KPNA5: variants seen among roughly 807,000 people sequenced by gnomAD.
KPNA5 encodes importin subunit alpha-6.
KPNA5 carries 46 observed loss-of-function variants against 71.3 expected under a neutral mutation model. That is an observed-to-expected ratio of 0.65 (90% CI 0.51 to 0.83). KPNA5 has a LOEUF of 0.83. Among genes scored for constraint, KPNA5 ranks in the 40% least tolerant of loss-of-function variants. KPNA5 has a pLI of 0.00. For missense variants in KPNA5, 547 were observed against 628.3 expected, an observed-to-expected ratio of 0.87 and a Z score of 1.38; for synonymous variants, 207 against 201.4, an observed-to-expected ratio of 1.03 and a Z score of -0.24.
intron 1 of KPNA5, among the ~76,000 whole-genome samples, chr6:116,683,122 C>T (rs1235582126): frequency 6.6e-6 from 1 of 152,198 alleles, no homozygotes; most frequent in Non-Finnish European, 1.5e-5. Context: ...CAAGGTGATC[C>T]AGTCAGATGT....
At chr6:116,689,486 T>A (rs1314269563) in intron 2 of KPNA5, 33 bp downstream of exon 2, 6 of 1,490,736 alleles carry the variant, frequency 4.0e-6, no homozygotes, top group East Asian at 2.3e-5. Context: ...TTTTGTTTTT[T>A]AAAATTTTAA....
intron 7 of KPNA5, among the ~76,000 whole-genome samples, chr6:116,714,584 T>A (rs1378262159): frequency 6.6e-6 from 1 of 152,192 alleles, no homozygotes; most frequent in Admixed American, 6.5e-5. Flanking sequence ...GACTGTCTGA[T>A]ACATGTGGGA....
chr6:116,730,825 A>T (rs1372412790), intron 13 of KPNA5, among the ~76,000 whole-genome samples: 1 of 151,280 alleles, frequency 6.6e-6, no homozygotes, highest in Non-Finnish European at 1.5e-5. Context: ...TCCAAATTGC[A>T]TATTTATTGT....
intron 7 of KPNA5, among the ~76,000 whole-genome samples, chr6:116,706,466 G>A (rs1283826528): frequency 6.6e-6 from 1 of 152,190 alleles, no homozygotes; most frequent in Non-Finnish European, 1.5e-5. Context: ...AAGGCGGGTG[G>A]ATCCCCTGAG....
chr6:116,713,436 G>A (rs1482400359), intron 7 of KPNA5, among the ~76,000 whole-genome samples: 1 of 152,082 alleles, frequency 6.6e-6, no homozygotes, highest in Admixed American at 6.6e-5. Context: ...TGATCTTTAT[G>A]AGGAATCTTT....
At chr6:116,684,804 A>G (rs1777505024) in intron 1 of KPNA5, among the ~76,000 whole-genome samples, 1 of 152,184 alleles carries the variant, frequency 6.6e-6, no homozygotes, top group African/African-American at 2.4e-5. Flanking sequence ...CACATTTACC[A>G]TGTTTAAAAC....
chr6:116,696,013 T>C (rs1778013436), intron 4 of KPNA5, among the ~76,000 whole-genome samples: 1 of 152,178 alleles, frequency 6.6e-6, no homozygotes, highest in East Asian at 1.9e-4. Flanking sequence ...GAAAATTGCA[T>C]TGGTACAATT....
chr6:116,700,191 G>T (rs1778176053), intron 5 of KPNA5, among the ~76,000 whole-genome samples: 1 of 152,126 alleles, frequency 6.6e-6, no homozygotes, highest in Non-Finnish European at 1.5e-5. Flanking sequence ...GGGAAGATTT[G>T]CTGGGCGTGG....
intron 4 of KPNA5, among the ~76,000 whole-genome samples, chr6:116,695,004 G>A (rs1302376526): frequency 6.6e-6 from 1 of 151,966 alleles, no homozygotes; most frequent in African/African-American, 2.4e-5. Context: ...AGACTGGAGT[G>A]CAATAGCAGA....
intron 7 of KPNA5, among the ~76,000 whole-genome samples, chr6:116,711,137 G>A (rs1330185310): frequency 6.6e-6 from 1 of 151,028 alleles, no homozygotes; most frequent in African/African-American, 2.4e-5. Flanking sequence ...CAGGTGATCC[G>A]CTTGCCTCAG....
intron 8 of KPNA5, among the ~76,000 whole-genome samples, chr6:116,721,675 A>G (rs988683139): frequency 3.3e-5 from 5 of 152,118 alleles, no homozygotes; most frequent in Non-Finnish European, 5.9e-5. Context: ...CTTCACAAAT[A>G]TATTTATTTT....
At chr6:116,692,180 C>G in intron 3 of KPNA5, 24 bp downstream of exon 3, 1 of 1,497,580 alleles carries the variant, frequency 6.7e-7, no homozygotes, top group East Asian at 2.3e-5. Context: ...AAATATGTTT[C>G]AAATTATACC....
intron 7 of KPNA5, among the ~76,000 whole-genome samples, chr6:116,715,660 G>C (rs1391555830): frequency 1.3e-5 from 2 of 152,162 alleles, no homozygotes; most frequent in Non-Finnish European, 2.9e-5. Flanking sequence ...GTTCACGCCT[G>C]TAATCCTAGC....
At chr6:116,686,380 C>T (rs192760866) in intron 1 of KPNA5, among the ~76,000 whole-genome samples, 24 of 152,232 alleles carry the variant, frequency 1.6e-4, no homozygotes, top group African/African-American at 5.1e-4. Context: ...GTCCTTTGCT[C>T]ACTTTTTAAT....
chr6:116,705,966 C>T (rs186612625), intron 7 of KPNA5, among the ~76,000 whole-genome samples: 30 of 152,248 alleles, frequency 2.0e-4, no homozygotes, highest in Admixed American at 7.9e-4. Flanking sequence ...CAATATTAAT[C>T]GAAGATCTGT....
chr6:116,735,611 TTAAAAA>T lies in KPNA5; in HGVS notation c.*3292_*3297del, dbSNP rs1157850807. The T allele has an allele frequency of 6.6e-6, 1 of 151,720 alleles. No individual in the cohort carries two copies. The highest frequency in any genetic ancestry group is 1.5e-5 in the Non-Finnish European group (1 of 67,750). The allele number at this position is 151,720 out of a possible 1,614,324, so 9.4% of individuals were successfully genotyped here. A position where few individuals can be genotyped will look rare whatever the true frequency, so the allele number is the denominator to read the frequency against. On this transcript the variant is annotated 3_prime_UTR_variant, in exon 14 of 14. Transcript: ENST00000368564. ...TATTATGAAATGTTACAACACTATA[TTAAAAA>T]TAATAAAATATTTTAAAATTGCATT...
intron 4 of KPNA5, among the ~76,000 whole-genome samples, chr6:116,693,588 T>G (rs991081951): frequency 6.6e-6 from 1 of 152,156 alleles, no homozygotes; most frequent in African/African-American, 2.4e-5. Context: ...GGGTTGTTTG[T>G]TTTTTTCTTG....
At position 116,681,246 on chromosome 6, in the gene KPNA5, C is replaced by G; in HGVS notation, c.-89C>G. On this transcript the variant is annotated 5_prime_UTR_variant, in exon 1 of 14. Coordinates refer to ENST00000368564, the MANE Select transcript of KPNA5 (RefSeq NM_001366306.2). ...GCGAACTGGGTCGCTACGCTTCACG[C>G]CAGGGGCGGAGTGGCGGCCCTTCTG... is the stretch of plus-strand genomic sequence containing the variant. The G allele has an allele frequency of 6.4e-7, 1 of 1,570,276 alleles. No homozygotes were observed. Among genetic ancestry groups the G allele is most frequent in the South Asian group, 1.1e-5 (1 of 89,560 alleles).
chr6:116,735,455 G>GA lies in KPNA5; in HGVS notation c.*3135dup. ...TTAGTTTATAGCATTACTGTTTTAT[G>GA]AAATGTGACATTTTAGGAGCCAATA... On this transcript the variant is annotated 3_prime_UTR_variant, in exon 14 of 14. Transcript: ENST00000368564. 1 of 151,564 alleles carries GA rather than the reference G, an allele frequency of 6.6e-6. No individual in the cohort carries two copies. The highest frequency in any genetic ancestry group is 1.5e-5 in the Non-Finnish European group (1 of 67,672). 9.4% of individuals were successfully genotyped at this position (151,564 alleles called of 1,614,324 possible). A position where few individuals can be genotyped will look rare whatever the true frequency, so the allele number is the denominator to read the frequency against.
Sources: allele counts gnomAD v4.1 joint callset (sites outside exome capture counted in the v4.1 genomes callset), GRCh38; gene constraint gnomAD v4.1.1; transcripts MANE v1.5; gene names NCBI Gene and HGNC (gene_info 2026-07-23, HGNC 2026-07-21).